FLRT2: variants seen among roughly 807,000 people sequenced by gnomAD.
FLRT2 encodes leucine-rich repeat transmembrane protein FLRT2.
Under a neutral mutation model 40.0 loss-of-function variants are expected in FLRT2, and 15 were observed. The ratio of observed to expected loss-of-function variants is 0.38; its 90% CI spans 0.25 to 0.58. The LOEUF is 0.58. FLRT2 is among the 20% of genes least tolerant of loss of function. The pLI is 0.71. For missense variants in FLRT2, 726 were observed against 840.0 expected, an observed-to-expected ratio of 0.86 and a Z score of 1.68; for synonymous variants, 380 against 336.8, an observed-to-expected ratio of 1.13 and a Z score of -1.41.
At chr14:85,619,884 G>T (rs1481566438) in intron 1 of FLRT2, among the ~76,000 whole-genome samples, 1 of 152,194 alleles carries the variant, frequency 6.6e-6, no homozygotes, top group Non-Finnish European at 1.5e-5. Context: ...CCTCAACTGT[G>T]TCTTCTGTCA....
chr14:85,605,924 C>T (rs2753624), intron 1 of FLRT2, among the ~76,000 whole-genome samples: 125,392 of 152,098 alleles, frequency 0.82, 51,725 homozygotes, highest in East Asian at 0.88. Context: ...ATATGTCAAC[C>T]CTGACTTCCA....
In FLRT2 at chr14:85,632,923, C is replaced by G. The variant is rs1371251431; in HGVS notation, c.*9426C>G. 6.6e-6 allele frequency: 1 copy of G among 152,198 alleles called. No homozygotes were observed. The highest frequency in any genetic ancestry group is 6.5e-5 in the Admixed American group (1 of 15,282). The allele number at this position is 152,198 out of a possible 1,614,324, so 9.4% of individuals were successfully genotyped here. A position where few individuals can be genotyped will look rare whatever the true frequency, so the allele number is the denominator to read the frequency against. On this transcript the variant is annotated 3_prime_UTR_variant, in exon 2 of 2. Transcript: ENST00000330753. ...TTTCCTAAAATGGGGACAATGATGT[C>G]TAACACATATGGTGGTTGTCAGAAT...
intron 1 of FLRT2, among the ~76,000 whole-genome samples, chr14:85,599,381 AG>A (rs1234928519): frequency 1.3e-5 from 2 of 152,118 alleles, no homozygotes; most frequent in African/African-American, 2.4e-5. Context: ...TCTTATAAGT[AG>A]GGCGCTACCA....
chr14:85,611,535 T>C (rs937389461), intron 1 of FLRT2, among the ~76,000 whole-genome samples: 2 of 152,196 alleles, frequency 1.3e-5, no homozygotes, highest in Non-Finnish European at 2.9e-5. Context: ...CACATGTCTT[T>C]TTCCTTGACC....
rs1385845822 is a variant in FLRT2, at chr14:85,637,952, C to A, written c.*14455C>A. ...CTCTGCTCCACCATCCTCCACTGTG[C>A]TTGAAATGCCTATCATTATCCTTAT... On this transcript the variant is annotated 3_prime_UTR_variant, in exon 2 of 2. Coordinates refer to ENST00000330753, the MANE Select transcript of FLRT2 (RefSeq NM_013231.6). 1 of 152,130 alleles carries A rather than the reference C, an allele frequency of 6.6e-6. No individual in the cohort carries two copies. Among genetic ancestry groups the A allele is most frequent in the Non-Finnish European group, 1.5e-5 (1 of 68,038 alleles). The allele number at this position is 152,130 out of a possible 1,614,324, so 9.4% of individuals were successfully genotyped here. A position where few individuals can be genotyped will look rare whatever the true frequency, so the allele number is the denominator to read the frequency against.
At chr14:85,535,601 T>C (rs1433814776) in intron 1 of FLRT2, among the ~76,000 whole-genome samples, 2 of 152,170 alleles carry the variant, frequency 1.3e-5, no homozygotes, top group Non-Finnish European at 2.9e-5. Context: ...AGTTACTTCT[T>C]TCTCCACAGC....
At chr14:85,594,033 C>T (rs1359968319) in intron 1 of FLRT2, among the ~76,000 whole-genome samples, 4 of 146,396 alleles carry the variant, frequency 2.7e-5, no homozygotes, top group Non-Finnish European at 6.1e-5. Context: ...CAGAGCAAGA[C>T]TCTGTCTCAA....
intron 1 of FLRT2, among the ~76,000 whole-genome samples, chr14:85,588,404 G>A (rs918000752): frequency 1.3e-5 from 2 of 151,518 alleles, no homozygotes; most frequent in Non-Finnish European, 2.9e-5. Flanking sequence ...ACTCAAATAA[G>A]ACTTGGCCTT....
At chr14:85,568,226 G>C (rs572572206) in intron 1 of FLRT2, among the ~76,000 whole-genome samples, 7 of 151,870 alleles carry the variant, frequency 4.6e-5, no homozygotes, top group African/African-American at 1.4e-4. Flanking sequence ...GGGGATGATT[G>C]CTGGGGGAAG....
intron 1 of FLRT2, among the ~76,000 whole-genome samples, chr14:85,618,012 C>T (rs1049743350): frequency 6.6e-6 from 1 of 152,164 alleles, no homozygotes; most frequent in African/African-American, 2.4e-5. Context: ...AGAGCAAGGC[C>T]TGGGGGCAAA....
At chr14:85,561,566 A>T (rs962345073) in intron 1 of FLRT2, among the ~76,000 whole-genome samples, 10 of 152,194 alleles carry the variant, frequency 6.6e-5, no homozygotes, top group African/African-American at 2.4e-4. Context: ...GAAATGTTCT[A>T]GAACACTCAC....
rs553910900 is a variant in FLRT2 at position 85,607,766 on chromosome 14, T to C, written c.-376-13373T>C. 2.8e-4 allele frequency among the ~76,000 whole-genome samples: 42 copies of C among 152,330 alleles called. 1 individual carries two copies. In the South Asian group the frequency reaches 8.3e-3, roughly 30 times the overall value. On this transcript the variant is annotated intron_variant, in intron 1 of 1. Transcript: ENST00000330753. ...ATTATGCATTTTATGTGCTTTCTAC[T>C]GTATTAAGAAATCAAGCGTCTCTGT...
At chr14:85,590,157 C>G (rs1035930897) in intron 1 of FLRT2, among the ~76,000 whole-genome samples, 2 of 151,310 alleles carry the variant, frequency 1.3e-5, no homozygotes, top group African/African-American at 4.9e-5. Flanking sequence ...CATTCATGGT[C>G]TCTCCCCACC....
In FLRT2 at chr14:85,648,190, A is replaced by G. The variant is rs146934277; in HGVS notation, c.*24693A>G. ...TAATTGCATAAGGAATAGTTACTGT[A>G]TGTTAGGCAGGTGCATGTTGTTATT... On this transcript the variant is annotated 3_prime_UTR_variant, in exon 2 of 2. Transcript: ENST00000330753. The G allele has an allele frequency of 6.6e-6, 1 of 152,244 alleles. No individual in the cohort carries two copies. Among genetic ancestry groups the G allele is most frequent in the Non-Finnish European group, 1.5e-5 (1 of 68,018 alleles). The allele number at this position is 152,244 out of a possible 1,614,324, so 9.4% of individuals were successfully genotyped here.
intron 1 of FLRT2, among the ~76,000 whole-genome samples, chr14:85,579,978 C>T (rs1891314202): frequency 7.2e-6 from 1 of 137,934 alleles, no homozygotes; most frequent in African/African-American, 2.8e-5. Flanking sequence ...GGGGTTGATG[C>T]CTGGGTCATT....
At chr14:85,561,522 C>T (rs1242471466) in intron 1 of FLRT2, among the ~76,000 whole-genome samples, 1 of 152,180 alleles carries the variant, frequency 6.6e-6, no homozygotes, top group Non-Finnish European at 1.5e-5. Flanking sequence ...ATGGTGCCAT[C>T]TGCTAGGTTA....
At position 85,633,744 on chromosome 14, in the gene FLRT2, G is replaced by A. The variant is rs1893937959; in HGVS notation, c.*10247G>A. ...GAGCCCAGGAGATCAAGATTACATT[G>A]AGCTCTGATTGTGCCACTGCACTCC... On this transcript the variant is annotated 3_prime_UTR_variant, in exon 2 of 2. Transcript: ENST00000330753. 3 of 150,884 alleles carry A rather than the reference G, an allele frequency of 2.0e-5. No individual in the cohort carries two copies. The highest frequency in any genetic ancestry group is 6.8e-3 in the Middle Eastern group (2 of 294). 9.3% of individuals were successfully genotyped at this position (150,884 alleles called of 1,614,324 possible). A position where few individuals can be genotyped will look rare whatever the true frequency, so the allele number is the denominator to read the frequency against.
At chr14:85,566,022 A>G (rs184501863) in intron 1 of FLRT2, among the ~76,000 whole-genome samples, 8 of 152,324 alleles carry the variant, frequency 5.3e-5, no homozygotes, top group African/African-American at 1.7e-4. Context: ...GTTCCCACCA[A>G]TCATTAGAAT....
intron 1 of FLRT2, among the ~76,000 whole-genome samples, chr14:85,583,968 A>AG (rs1380561098): frequency 3.3e-5 from 5 of 151,878 alleles, no homozygotes; most frequent in Admixed American, 3.3e-4. Context: ...CTTTAAAAAA[A>AG]AAAAAAAAAG....
Sources: allele counts gnomAD v4.1 joint callset (sites outside exome capture counted in the v4.1 genomes callset), GRCh38; gene constraint gnomAD v4.1.1; transcripts MANE v1.5; gene names NCBI Gene and HGNC (gene_info 2026-07-23, HGNC 2026-07-21).